Variants in TMF1 observed in about 807,000 individuals in gnomAD.
TMF1 encodes the protein TATA element modulatory factor.
In TMF1, 71 loss-of-function variants were observed where a neutral mutation model predicts 126.5. The ratio of observed to expected loss-of-function variants is 0.56; its 90% CI spans 0.46 to 0.68. The LOEUF is 0.68. Among genes scored for constraint, TMF1 ranks in the 30% least tolerant of loss-of-function variants. TMF1 has a pLI of 0.00. For missense variants in TMF1, 1,259 were observed against 1,253.2 expected, an observed-to-expected ratio of 1.00 and a Z score of -0.07; for synonymous variants, 461 against 430.5, an observed-to-expected ratio of 1.07 and a Z score of -0.88.
intron 3 of TMF1, among the ~76,000 whole-genome samples, chr3:69,044,265 C>T (rs1040959176): frequency 1.3e-5 from 2 of 151,962 alleles, no homozygotes; most frequent in African/African-American, 4.8e-5. Context: ...AGACTAAAAA[C>T]GAAAGGAAAG....
At chr3:69,043,057 G>T in intron 4 of TMF1, 145 bp from the exon 5 acceptor site, 1 of 578,006 alleles carries the variant, frequency 1.7e-6, no homozygotes, top group Non-Finnish European at 3.0e-6. Context: ...CTACTACCTT[G>T]GTTAACTAAG....
chr3:69,045,288 T>C (rs192537198), intron 2 of TMF1, among the ~76,000 whole-genome samples: 1 of 151,660 alleles, frequency 6.6e-6, no homozygotes, highest in East Asian at 2.0e-4. Flanking sequence ...TGAAAACCAG[T>C]CTCTACTGAA....
chr3:69,043,945 T>C, intron 3 of TMF1, 69 bp from the exon 4 acceptor site: 1 of 1,296,528 alleles, frequency 7.7e-7, no homozygotes, highest in East Asian at 2.4e-5. Flanking sequence ...ATGAGTTCAA[T>C]TCTCAAAAGG....
intron 5 of TMF1, among the ~76,000 whole-genome samples, chr3:69,040,898 G>C: frequency 6.7e-6 from 1 of 150,190 alleles, no homozygotes; most frequent in Admixed American, 6.6e-5. Context: ...CTCCAGCCTG[G>C]ACAACACAGT....
At position 69,047,906 on chromosome 3, in the gene TMF1, C is replaced by A; in HGVS notation, c.799G>T (p.Val267Leu). ...SDIEVLDHESVISESSASSRQ... is the reference protein window; with the variant it reads ...SDIEVLDHESLISESSASSRQ... The stretch of plus-strand genomic sequence containing the variant: ...GAGCTCGCTGAGCTCTCACTTATTA[C>A]ACTTTCATGATCTAAAACTTCAATA... The change falls in exon 2 of 17, where the codon GTA becomes TTA. Residue 267 changes from valine to leucine, a missense_variant. Transcript: ENST00000398559. 6.2e-7 allele frequency: 1 copy of A among 1,613,894 alleles called. No individual in the cohort carries two copies. The highest frequency in any genetic ancestry group is 8.5e-7 in the Non-Finnish European group (1 of 1,180,018).
At chr3:69,042,717 T>A (rs2091874251) in intron 5 of TMF1, 90 bp downstream of exon 5, 2 of 1,089,180 alleles carry the variant, frequency 1.8e-6, no homozygotes, top group Admixed American at 3.6e-5. Flanking sequence ...GCTTTCAGTA[T>A]TTTTAATTAG....
chr3:69,047,307 T>C (rs763690307), intron 2 of TMF1, 51 bp downstream of exon 2: 47 of 1,497,054 alleles, frequency 3.1e-5, no homozygotes, highest in Non-Finnish European at 3.9e-5. Context: ...AAACAAATGA[T>C]TTAATCTCCA....
chr3:69,022,371 T>C lies in TMF1; in HGVS notation c.*806A>G, dbSNP rs1442149723. The C allele has an allele frequency of 2.6e-5, 4 of 152,358 alleles. No homozygotes were observed. In the East Asian group the frequency reaches 5.8e-4, roughly 22 times the overall value. The allele number at this position is 152,358 out of a possible 1,614,324, so 9.4% of individuals were successfully genotyped here. Reference sequence around the variant, plus strand: ...ATTATTTTCGATTCATTTTATAGGGTAGTAAAATAATACTTCTTCAAAATC... The same window carrying C: ...ATTATTTTCGATTCATTTTATAGGGCAGTAAAATAATACTTCTTCAAAATC... On this transcript the variant is annotated 3_prime_UTR_variant, in exon 17 of 17. Transcript: ENST00000398559.
intron 10 of TMF1, chr3:69,030,721 A>G (rs2091796415): frequency 6.6e-6 from 1 of 152,246 alleles, no homozygotes; most frequent in Non-Finnish European, 1.5e-5. Context: ...AATACAAATT[A>G]AAATCATAAT....
chr3:69,025,382 T>C (rs2091762451), intron 15 of TMF1, 178 bp downstream of exon 15: 2 of 550,276 alleles, frequency 3.6e-6, no homozygotes, highest in Non-Finnish European at 6.2e-6. Context: ...GCTGTTATCC[T>C]TAGCTAATTT....
chr3:69,044,292 A>G (rs2091883380), intron 3 of TMF1, among the ~76,000 whole-genome samples, 200 bp downstream of exon 3: 1 of 152,230 alleles, frequency 6.6e-6, no homozygotes, highest in Admixed American at 6.5e-5. Flanking sequence ...CCAGTTTTGC[A>G]AAATGACTCT....
Position 69,042,803 on chromosome 3 carries a change from G to A in TMF1, c.1684+4C>T, listed in dbSNP as rs373194763. The A allele has an allele frequency of 1.7e-5, 28 of 1,609,740 alleles. No individual in the cohort carries two copies. Among genetic ancestry groups the A allele is most frequent in the African/African-American group, 5.3e-5 (4 of 74,908 alleles). On this transcript the variant is annotated splice_donor_region_variant and intron_variant, in intron 5 of 16. Transcript: ENST00000398559. The stretch of plus-strand genomic sequence containing the variant: ...TTTCATAGTCAACCAAATACTATAC[G>A]CACCTTCTTCCATTAACCCTCGGAT...
In TMF1 at chr3:69,039,691, C is replaced by T; in HGVS notation, c.1687G>A (p.Glu563Lys). 2.5e-6 allele frequency: 4 copies of T among 1,609,216 alleles called. No individual in the cohort carries two copies. Among genetic ancestry groups the T allele is most frequent in the Non-Finnish European group, 3.4e-6 (4 of 1,178,662 alleles). ...TGCAGCTGCTGTTTTGAAAGTTTTTCTCCTGGTGATGGTAAAGAAGTATAA... is the reference window on the plus strand; with the variant it reads ...TGCAGCTGCTGTTTTGAAAGTTTTTTTCCTGGTGATGGTAAAGAAGTATAA... ...EQIRGLMEEG[E>K]KLSKQQLHNS... Residue 563 changes from glutamate to lysine, a missense_variant and splice_region_variant, in exon 6 of 17, where the codon GAA (glutamate) becomes AAA (lysine). Coordinates refer to ENST00000398559, the MANE Select transcript of TMF1 (RefSeq NM_007114.3).
In TMF1 at chr3:69,047,649, T is replaced by C. The variant is rs772876814; in HGVS notation, c.1056A>G (p.Gly352=). 6.2e-7 allele frequency: 1 copy of C among 1,614,132 alleles called. No homozygotes were observed. Among genetic ancestry groups the C allele is most frequent in the Non-Finnish European group, 8.5e-7 (1 of 1,180,024 alleles). ...TAACTATAATAGGCACTAAAGCATA[T>C]CCCTTGCCTGACAATTCATCATCTG... ...INSDDELSGK[G]YALVPIIVNS... is the part of the protein sequence containing the mutation. Residue 352 remains glycine, a synonymous_variant, in exon 2 of 17, where the codon GGA becomes GGG. Transcript: ENST00000398559.
rs187720478 is a variant in TMF1 at position 69,035,756 on chromosome 3, A to T, written c.2152-641T>A. ...AACCATTAAAAATTACAATAAATGT[A>T]TAAAACATGTAAAAAAAATTTCTAA... On this transcript the variant is annotated intron_variant, in intron 8 of 16. Coordinates refer to ENST00000398559, the MANE Select transcript of TMF1 (RefSeq NM_007114.3). Among the ~76,000 whole-genome samples the T allele has an allele frequency of 5.5e-3, 842 of 152,316 alleles. 9 individuals carry two copies. The highest frequency in any genetic ancestry group is 0.019 in the African/African-American group (775 of 41,574).
intron 4 of TMF1, 134 bp from the exon 5 acceptor site, chr3:69,043,046 T>C (rs1256513552): frequency 3.2e-6 from 2 of 623,978 alleles, no homozygotes; most frequent in Non-Finnish European, 5.4e-6. Context: ...GTTCAGTTAA[T>C]CTACTACCTT....
chr3:69,033,488 C>A (rs1044776520), intron 10 of TMF1, 60 bp downstream of exon 10: 8 of 1,519,638 alleles, frequency 5.3e-6, no homozygotes, highest in Admixed American at 4.4e-5. Context: ...TACCATTATT[C>A]TAATTCTATA....
chr3:69,035,109 C>T lies in TMF1; in HGVS notation c.2158G>A (p.Asp720Asn), dbSNP rs1266166458. ...GTACGCTGCAATGCAAGCCTAAGGTCCCCCACCTGTAGGAGGAGAAACAAT... is the reference window on the plus strand; with the variant it reads ...GTACGCTGCAATGCAAGCCTAAGGTTCCCCACCTGTAGGAGGAGAAACAAT... ...QQETLAIQVG[D>N]LRLALQRTEQ... The change falls in exon 9 of 17, where the codon GAC (aspartate) becomes AAC (asparagine). Residue 720 changes from aspartate to asparagine, a missense_variant. Physicochemically the swap from Asp to Asn is conservative, Grantham distance 23. Transcript: ENST00000398559. 1.2e-6 allele frequency: 2 copies of T among 1,613,576 alleles called. No homozygotes were observed. Among genetic ancestry groups the T allele is most frequent in the Admixed American group, 1.7e-5 (1 of 59,936 alleles).
At chr3:69,034,991 TG>T in intron 9 of TMF1, 31 bp downstream of exon 9, 1 of 1,551,594 alleles carries the variant, frequency 6.4e-7, no homozygotes, top group Non-Finnish European at 8.9e-7. Flanking sequence ...ACATACTTCT[TG>T]GATTTGTGTT....
Sources: gnomAD v4.1 joint callset for allele counts (sites outside exome capture counted in the v4.1 genomes callset) on GRCh38, gnomAD v4.1.1 for gene constraint, MANE v1.5 for transcripts, NCBI Gene and HGNC (gene_info 2026-07-23, HGNC 2026-07-21) for gene names.